MGST1: variants seen among roughly 807,000 people sequenced by gnomAD.
MGST1 encodes microsomal glutathione S-transferase 1, also known as glutathione S-transferase 12.
In MGST1, 5 loss-of-function variants were observed where a neutral mutation model predicts 8.9. The observed-to-expected ratio is 0.56, with a 90% CI of 0.29 to 1.19. The LOEUF (loss-of-function observed/expected upper bound fraction) is 1.19. Ranked by LOEUF, MGST1 falls within the 50% of genes most tolerant of loss-of-function variation. MGST1 has a pLI of 0.08. For synonymous variants in MGST1, 54 were observed against 67.8 expected, an observed-to-expected ratio of 0.80 and a Z score of 1.00; for missense variants, 182 against 187.4, an observed-to-expected ratio of 0.97 and a Z score of 0.17.
At chr12:16,485,307 C>G (rs750328436) in intron 4 of MGST1, among the ~76,000 whole-genome samples, 2 of 152,144 alleles carry the variant, frequency 1.3e-5, no homozygotes, top group African/African-American at 2.4e-5. Context: ...AGAAGTGTAA[C>G]GTTCGGTGTA....
intron 1 of MGST1, among the ~76,000 whole-genome samples, chr12:16,351,328 AC>A (rs951977125): frequency 6.4e-5 from 5 of 78,056 alleles, no homozygotes; most frequent in Non-Finnish European, 1.3e-4. Context: ...CAATACTAGA[AC>A]AAGCAGACAC....
At chr12:16,351,207 A>G (rs938718993) in intron 1 of MGST1, among the ~76,000 whole-genome samples, 4 of 152,168 alleles carry the variant, frequency 2.6e-5, no homozygotes, top group Non-Finnish European at 5.9e-5. Flanking sequence ...CGCTTGCTGT[A>G]TTTCTTCACA....
chr12:16,547,186 A>G lies in MGST1; in HGVS notation n.483-42342A>G, dbSNP rs2137220426. Among the ~76,000 whole-genome samples, 1 of 152,268 alleles carries G rather than the reference A, an allele frequency of 6.6e-6. No homozygotes were observed. On this transcript the variant is annotated intron_variant and non_coding_transcript_variant, in intron 4 of 4. Coordinates refer to the MGST1 transcript ENST00000538857. The surrounding 1 kb of genome is among the most constrained non-coding windows in gnomAD (Gnocchi z 4.6). ...GAAATCTTCGTTTATGATACTAATC[A>G]CACAATTACCTACAGGCATGTGTTA... is the stretch of plus-strand genomic sequence containing the variant.
intron 4 of MGST1, among the ~76,000 whole-genome samples, chr12:16,480,230 C>T (rs980298524): frequency 2.7e-5 from 4 of 150,832 alleles, no homozygotes; most frequent in Non-Finnish European, 5.9e-5. Flanking sequence ...GGAACCTCCA[C>T]CTCCTGGGTT....
intron 4 of MGST1, among the ~76,000 whole-genome samples, chr12:16,516,156 G>A (rs992539887): frequency 3.0e-4 from 45 of 152,150 alleles, no homozygotes; most frequent in Middle Eastern, 3.2e-3. Context: ...TGGCTTACGA[G>A]GTCTGTATTG....
intron 1 of MGST1, among the ~76,000 whole-genome samples, chr12:16,353,221 G>C (rs1939552761): frequency 6.6e-6 from 1 of 152,004 alleles, no homozygotes; most frequent in Non-Finnish European, 1.5e-5. Flanking sequence ...TTTTAGTAGA[G>C]ACGGGGTTTC....
At chr12:16,378,606 C>G (rs1289467080), downstream of MGST1, among the ~76,000 whole-genome samples, 3 of 150,912 alleles carry the variant, frequency 2.0e-5, no homozygotes, top group Non-Finnish European at 3.0e-5. Context: ...GTTCTTTTGG[C>G]TTAGGATTGA....
intron 3 of MGST1, among the ~76,000 whole-genome samples, chr12:16,373,587 A>G (rs1014582607): frequency 1.3e-5 from 2 of 152,028 alleles, no homozygotes; most frequent in African/African-American, 4.8e-5. Flanking sequence ...AAATAAAATA[A>G]AGTATTTACT....
At chr12:16,522,077 G>A (rs941681218) in intron 4 of MGST1, among the ~76,000 whole-genome samples, 3 of 152,070 alleles carry the variant, frequency 2.0e-5, no homozygotes, top group East Asian at 1.9e-4. Context: ...CATGAGAGGC[G>A]CTTCATGCTG....
At chr12:16,400,476 C>T (rs1940644965) in intron 1 of MGST1, 2 of 796,920 alleles carry the variant, frequency 2.5e-6, no homozygotes, top group Non-Finnish European at 2.3e-6. Flanking sequence ...GATTGATCAC[C>T]AGTGAGTCTT....
chr12:16,580,813 G>A (rs570580435), intron 4 of MGST1, among the ~76,000 whole-genome samples: 1 of 152,208 alleles, frequency 6.6e-6, no homozygotes, highest in African/African-American at 2.4e-5. Flanking sequence ...AATTTTTCAC[G>A]ATGTTCTTAT....
At chr12:16,525,412 C>T (rs1339671546) in intron 4 of MGST1, among the ~76,000 whole-genome samples, 5 of 151,062 alleles carry the variant, frequency 3.3e-5, no homozygotes, top group South Asian at 2.1e-4. Context: ...TTTGTTCTTG[C>T]GATAGTTTAC....
At position 16,513,501 on chromosome 12, in the gene MGST1, G is replaced by A. The variant is rs999115383; in HGVS notation, n.483-76027G>A. Reference sequence around the variant, plus strand: ...CCAGCTCCTGGTGGACCCATGTGGAGATGGGACCACCAGATCCCATCCTTG... The same window carrying A: ...CCAGCTCCTGGTGGACCCATGTGGAAATGGGACCACCAGATCCCATCCTTG... On this transcript the variant is annotated intron_variant and non_coding_transcript_variant, in intron 4 of 4. Coordinates refer to the MGST1 transcript ENST00000538857. This position sits in a 1 kb window ranked among gnomAD's most constrained non-coding sequence, Gnocchi z 4.2. The A allele has an allele frequency of 8.5e-6, 4 of 469,460 alleles. No homozygotes were observed. The highest frequency in any genetic ancestry group is 4.7e-5 in the South Asian group (3 of 63,182). The allele number at this position is 469,460 out of a possible 1,614,324, so 29.1% of individuals were successfully genotyped here.
In MGST1 at chr12:16,408,030, C is replaced by CAAAAAAAAAAAAAAAAAAA. The variant is rs200073692; in HGVS notation, n.778+24436_778+24454dup. 2.7e-4 allele frequency among the ~76,000 whole-genome samples: 12 copies of CAAAAAAAAAAAAAAAAAAA among 44,100 alleles called. 2 individuals are homozygous for CAAAAAAAAAAAAAAAAAAA. Among genetic ancestry groups the CAAAAAAAAAAAAAAAAAAA allele is most frequent in the African/African-American group, 3.8e-4 (7 of 18,476 alleles). The allele number at this position is 44,100 out of a possible 152,430, so 28.9% of individuals were successfully genotyped here. ...CTGGCAACAGAGCAAGACTCTGTCT[C>CAAAAAAAAAAAAAAAAAAA]AAAAAAAAAAAAAAAAAAAAAAAAA... On this transcript the variant is annotated intron_variant and non_coding_transcript_variant, in intron 1 of 1. Coordinates refer to the MGST1 transcript ENST00000359720.
downstream of MGST1, among the ~76,000 whole-genome samples, chr12:16,591,406 C>A (rs926122653): frequency 2.0e-5 from 3 of 152,016 alleles, no homozygotes; most frequent in African/African-American, 7.2e-5. The surrounding 1 kb of genome is among the most constrained non-coding windows in gnomAD (Gnocchi z 4.1). Context: ...ATTCTACAAA[C>A]CTCTTGTACT....
At chr12:16,568,001 G>T (rs1942676125) in intron 4 of MGST1, among the ~76,000 whole-genome samples, 1 of 152,148 alleles carries the variant, frequency 6.6e-6, no homozygotes, top group East Asian at 1.9e-4. Flanking sequence ...GAACAGGAGG[G>T]AGAAAGAATA....
intron 1 of MGST1, among the ~76,000 whole-genome samples, chr12:16,409,385 C>G (rs1370210453): frequency 6.6e-6 from 1 of 152,032 alleles, no homozygotes; most frequent in African/African-American, 2.4e-5. Context: ...CTTTATTACC[C>G]ACAAAGTATC....
chr12:16,514,362 A>G, intron 4 of MGST1: 2 of 302,380 alleles, frequency 6.6e-6, no homozygotes, highest in South Asian at 3.1e-5. Context: ...GTTTGCTTCT[A>G]CCATTCTGAA....
chr12:16,592,937 T>C (rs1355921080), downstream of MGST1, among the ~76,000 whole-genome samples: 2 of 151,858 alleles, frequency 1.3e-5, no homozygotes, highest in African/African-American at 4.8e-5. Flanking sequence ...TTCTAAAAGT[T>C]TTAGAAACTA....
Sources: gnomAD v4.1 joint callset for allele counts (sites outside exome capture counted in the v4.1 genomes callset) on GRCh38, gnomAD v4.1.1 for gene constraint, Gnocchi (gnomAD v3.1) non-coding constraint, MANE v1.5 for transcripts, NCBI Gene and HGNC (gene_info 2026-07-23, HGNC 2026-07-21) for gene names.